The following STARD13 variants were observed in gnomAD, a reference collection of about 807,000 sequenced individuals.
STARD13 encodes the protein StAR related lipid transfer domain containing 13.
A neutral mutation model predicts 106.4 loss-of-function variants in STARD13; 62 were observed. That is an observed-to-expected ratio of 0.58 (90% CI 0.48 to 0.72). The LOEUF (loss-of-function observed/expected upper bound fraction) is 0.72, where lower values mean the gene tolerates loss of function less well. STARD13 is among the 30% of genes least tolerant of loss of function. The pLI, the probability that STARD13 is intolerant of heterozygous loss-of-function variation, is 0.00. For missense variants in STARD13, 1,387 were observed against 1,424.0 expected, an observed-to-expected ratio of 0.97 and a Z score of 0.42; for synonymous variants, 565 against 553.0, an observed-to-expected ratio of 1.02 and a Z score of -0.31.
the STARD13 span, among the ~76,000 whole-genome samples, chr13:33,592,522 C>T: frequency 1.6e-4 from 24 of 152,092 alleles, no homozygotes; most frequent in East Asian, 3.1e-3. Context: ...ATGAGATACT[C>T]CAGAGATCAG....
At chr13:33,364,030 T>C in the STARD13 span, among the ~76,000 whole-genome samples, 1 of 152,224 alleles carries the variant, frequency 6.6e-6, no homozygotes, top group African/African-American at 2.4e-5. Flanking sequence ...AATTTCATAA[T>C]AGCCATGCAT....
intron 1 of STARD13, among the ~76,000 whole-genome samples, chr13:33,275,347 G>A (rs942941569): frequency 2.6e-5 from 4 of 152,178 alleles, no homozygotes; most frequent in Non-Finnish European, 4.4e-5. Context: ...GCAGTTTGAA[G>A]GGTCATATGT....
the STARD13 span, among the ~76,000 whole-genome samples, chr13:33,662,417 G>GA: frequency 6.6e-6 from 1 of 152,056 alleles, no homozygotes; most frequent in Non-Finnish European, 1.5e-5. Context: ...GCTTTGTTTT[G>GA]AAAATGTTGT....
chr13:33,130,059 G>T lies in STARD13; in HGVS notation c.618C>A (p.Ser206Arg). 6.2e-7 allele frequency: 1 copy of T among 1,613,620 alleles called. No individual in the cohort carries two copies. Residue 206 changes from serine to arginine, a missense_variant, in exon 5 of 14, where the codon AGC becomes AGA. Transcript: ENST00000336934. This position sits in a 1 kb window ranked among gnomAD's most constrained non-coding sequence, Gnocchi z 4.1. ...CSIHSESSGG[S>R]DSRSQPGQCC... ...ACTGGCCCGGCTGGCTGCGACTGTCGCTGCCTCCACTGCTTTCGCTGTGAA... is the reference window on the plus strand; with the variant it reads ...ACTGGCCCGGCTGGCTGCGACTGTCTCTGCCTCCACTGCTTTCGCTGTGAA...
chr13:33,173,622 T>C (rs1195348588), intron 1 of STARD13, among the ~76,000 whole-genome samples: 2 of 152,226 alleles, frequency 1.3e-5, no homozygotes, highest in South Asian at 2.1e-4. Flanking sequence ...TATAATTTTT[T>C]CCTAATATTC....
At chr13:33,448,503 C>T in the STARD13 span, among the ~76,000 whole-genome samples, 3 of 152,032 alleles carry the variant, frequency 2.0e-5, no homozygotes, top group Non-Finnish European at 4.4e-5. Context: ...CTCATTCAAC[C>T]ACTGAGGGGA....
the STARD13 span, among the ~76,000 whole-genome samples, chr13:33,590,574 T>C: frequency 2.0e-5 from 3 of 151,602 alleles, no homozygotes; most frequent in African/African-American, 7.3e-5. Context: ...CTGGAAACCA[T>C]CATTCTCAGC....
the STARD13 span, among the ~76,000 whole-genome samples, chr13:33,648,787 T>C: frequency 8.5e-5 from 12 of 140,698 alleles, no homozygotes; most frequent in African/African-American, 2.4e-4. Flanking sequence ...CTCTTTCTTT[T>C]TTTTTTTTTT....
In STARD13 at chr13:33,129,861, G is replaced by T. The variant is rs770506576; in HGVS notation, c.816C>A (p.His272Gln). 14 of 1,612,840 alleles carry T rather than the reference G, an allele frequency of 8.7e-6. No homozygotes were observed. The highest frequency in any genetic ancestry group is 1.1e-5 in the Non-Finnish European group (13 of 1,180,014). ...TCCGCCCAGACCCCTTATGCCTCCC[G>T]TGGGCTCCCTTCCCTCGGAGTGTTT... is the stretch of plus-strand genomic sequence containing the variant. ...RMETLRGKGA[H>Q]GRHKGSGRTG... Residue 272 changes from histidine (H) to glutamine (Q), a missense_variant, in exon 5 of 14, where the codon CAC becomes CAA. Physicochemically the swap from His to Gln is conservative, Grantham distance 24 (BLOSUM62 0). Coordinates refer to ENST00000336934, the MANE Select transcript of STARD13 (RefSeq NM_178006.4).
chr13:33,589,475 T>A, the STARD13 span, among the ~76,000 whole-genome samples: 126 of 152,352 alleles, frequency 8.3e-4, 2 homozygotes, highest in East Asian at 0.022. Flanking sequence ...TTTAAATGTG[T>A]CCCAGAGATT....
At chr13:33,434,352 C>CAAAAAAAAAAAAAAAAAAAGAA in the STARD13 span, among the ~76,000 whole-genome samples, 1 of 70,324 alleles carries the variant, frequency 1.4e-5, no homozygotes, top group African/African-American at 6.1e-5. Context: ...GACTCTGTCT[C>CAAAAAAAAAAAAAAAAAAAGAA]AAAAAAAAAA....
At chr13:33,165,963 A>G (rs1883266214) in intron 2 of STARD13, among the ~76,000 whole-genome samples, 2 of 152,208 alleles carry the variant, frequency 1.3e-5, no homozygotes, top group South Asian at 4.1e-4. Flanking sequence ...CCTCCAACAG[A>G]CAATTCATGC....
chr13:33,631,042 T>C, the STARD13 span, among the ~76,000 whole-genome samples: 2 of 152,198 alleles, frequency 1.3e-5, no homozygotes, highest in Non-Finnish European at 2.9e-5. Flanking sequence ...TTAGATCCCA[T>C]GTTCTGCTGT....
chr13:33,394,493 G>T, the STARD13 span, among the ~76,000 whole-genome samples: 1 of 152,150 alleles, frequency 6.6e-6, no homozygotes, highest in Admixed American at 6.5e-5. Context: ...CCCTGCTCCA[G>T]AACATGAAAT....
chr13:33,330,897 C>T (rs2077828827), intron 1 of STARD13, among the ~76,000 whole-genome samples: 1 of 152,148 alleles, frequency 6.6e-6, no homozygotes, highest in African/African-American at 2.4e-5. Flanking sequence ...ACTTCATGCT[C>T]TTTGCAACAT....
chr13:33,188,303 T>A (rs1031420932), intron 1 of STARD13: 1 of 152,198 alleles, frequency 6.6e-6, no homozygotes, highest in African/African-American at 2.4e-5. Context: ...ATAAACACTT[T>A]AGGGACAGGA....
Position 33,111,896 on chromosome 13 carries a change from T to A in STARD13, c.2493-4A>T. 1 of 1,581,424 alleles carries A rather than the reference T, an allele frequency of 6.3e-7. No homozygotes were observed. The highest frequency in any genetic ancestry group is 1.1e-5 in the South Asian group (1 of 90,408). On this transcript the variant is annotated splice_region_variant and splice_polypyrimidine_tract_variant and intron_variant, in intron 9 of 13. Transcript: ENST00000336934. ...GGCATATTTCTTCTGTATGACTCTG[T>A]AATTGAACGTGAGTGTGCTAAGCAG...
intron 13 of STARD13, 65 bp from the exon 14 acceptor site, chr13:33,105,775 G>T: frequency 7.2e-7 from 1 of 1,390,808 alleles, no homozygotes; most frequent in South Asian, 1.2e-5. Context: ...AATTAGTTTT[G>T]GTGGACAGGG....
rs369124258 is a variant in STARD13, at chr13:33,156,240, C to A, written c.323+9097G>T. Among the ~76,000 whole-genome samples the A allele has an allele frequency of 3.3e-5, 5 of 152,186 alleles. No individual in the cohort carries two copies. The South Asian group carries it at 6.2e-4, about 19-fold the overall frequency. Reference sequence around the variant, plus strand: ...TTCCCTTAGTATAGAATATTCCAAGCCTTCATTATACCTATTCATCTAGTT... The same window carrying A: ...TTCCCTTAGTATAGAATATTCCAAGACTTCATTATACCTATTCATCTAGTT... On this transcript the variant is annotated intron_variant, in intron 3 of 13. Transcript: ENST00000336934.
Sources: gnomAD v4.1 joint callset for allele counts (sites outside exome capture counted in the v4.1 genomes callset) on GRCh38, gnomAD v4.1.1 for gene constraint, Gnocchi (gnomAD v3.1) non-coding constraint, MANE v1.5 for transcripts, NCBI Gene and HGNC (gene_info 2026-07-23, HGNC 2026-07-21) for gene names.